PRDM1: variants seen among roughly 807,000 people sequenced by gnomAD.
The protein encoded by PRDM1 is PR/SET domain 1.
A neutral mutation model predicts 62.8 loss-of-function variants in PRDM1; 13 were observed. The ratio of observed to expected loss-of-function variants is 0.21; its 90% confidence interval spans 0.13 to 0.33. The LOEUF (loss-of-function observed/expected upper bound fraction) is 0.33, where lower values mean the gene tolerates loss of function less well. PRDM1 is among the 10% of genes least tolerant of loss of function. PRDM1 has a pLI of 1.00. For missense variants in PRDM1, 895 were observed against 1,058.8 expected (o/e 0.85, Z 2.15); for synonymous variants, 396 against 417.6 (o/e 0.95, Z 0.63).
At chr6:106,056,944 G>T (rs1328071449) in intron 1 of PRDM1, among the ~76,000 whole-genome samples, 6 of 152,240 alleles carry the variant, frequency 3.9e-5, no homozygotes, top group African/African-American at 1.4e-4. Context: ...TGTGGCTTTT[G>T]TTTTCAGAAT....
chr6:106,047,584 T>G (rs1374050763), upstream of PRDM1, among the ~76,000 whole-genome samples: 2 of 152,200 alleles, frequency 1.3e-5, no homozygotes, highest in Admixed American at 6.5e-5. Flanking sequence ...AAATGTGTAT[T>G]AGGATCACCA....
Position 106,105,788 on chromosome 6 carries a change from G to T in PRDM1, c.1628G>T (p.Ser543Ile), listed in dbSNP as rs763803603. 5.0e-6 allele frequency: 8 copies of T among 1,614,228 alleles called. No individual in the cohort carries two copies. Among genetic ancestry groups the T allele is most frequent in the Non-Finnish European group, 6.8e-6 (8 of 1,180,040 alleles). The change falls in exon 5 of 7, where the codon AGC (serine) becomes ATC (isoleucine). Residue 543 changes from serine (S) to isoleucine (I), a missense_variant. Physicochemically the swap from Ser to Ile is moderately radical, Grantham distance 142 (BLOSUM62 -2). Transcript: ENST00000369096. ...ATSAAMAAPS[S>I]DEAMNLIKNK... The stretch of plus-strand genomic sequence containing the variant: ...TCAGCAGCGATGGCAGCCCCCAGCA[G>T]CGACGAAGCCATGAATCTCATTAAA...
chr6:106,070,262 T>C (rs551900390), intron 1 of PRDM1, among the ~76,000 whole-genome samples: 24 of 152,330 alleles, frequency 1.6e-4, no homozygotes, highest in Middle Eastern at 3.4e-3. Context: ...GTTTTAGATG[T>C]TTTTCTTTTC....
chr6:106,038,136 C>T (rs1772947387), intron 1 of PRDM1, among the ~76,000 whole-genome samples: 1 of 149,308 alleles, frequency 6.7e-6, no homozygotes, highest in Non-Finnish European at 1.5e-5. Context: ...AGGCATGCAC[C>T]ACCATGCCCA....
intron 1 of PRDM1, among the ~76,000 whole-genome samples, chr6:106,024,432 C>G (rs757334762): frequency 1.3e-5 from 2 of 152,196 alleles, no homozygotes; most frequent in South Asian, 4.1e-4. Context: ...ATACTCTCGA[C>G]ACCTTATTTT....
chr6:106,068,400 TCTC>T (rs1277049850), intron 1 of PRDM1, among the ~76,000 whole-genome samples: 3 of 152,264 alleles, frequency 2.0e-5, no homozygotes, highest in Admixed American at 1.3e-4. Flanking sequence ...CCCACCCTGT[TCTC>T]CTCAGAGTAG....
intron 1 of PRDM1, among the ~76,000 whole-genome samples, chr6:106,017,857 G>A (rs1460041088): frequency 6.6e-6 from 1 of 152,116 alleles, no homozygotes; most frequent in African/African-American, 2.4e-5. Context: ...TAAAGCCTGG[G>A]GTGGGCTGAG....
At chr6:106,015,404 G>A (rs1000842410) in intron 1 of PRDM1, among the ~76,000 whole-genome samples, 8 of 152,164 alleles carry the variant, frequency 5.3e-5, no homozygotes, top group East Asian at 1.9e-4. Flanking sequence ...AAATTATCCC[G>A]TTTGAGCTTG....
chr6:106,011,195 A>G (rs890547674), intron 1 of PRDM1, among the ~76,000 whole-genome samples: 1 of 152,150 alleles, frequency 6.6e-6, no homozygotes, highest in African/African-American at 2.4e-5. Flanking sequence ...TATAGATATT[A>G]CCGAAGATGT....
chr6:106,023,056 T>C (rs892975539), intron 1 of PRDM1, among the ~76,000 whole-genome samples: 8 of 152,214 alleles, frequency 5.3e-5, no homozygotes, highest in African/African-American at 1.9e-4. Context: ...CCCCCTCGTG[T>C]GCTGTTAAAG....
At chr6:105,998,917 ATATATATATATATATATTTTTTTTTT>A (rs1772389507) in intron 1 of PRDM1, among the ~76,000 whole-genome samples, 3 of 3,810 alleles carry the variant, frequency 7.9e-4, no homozygotes, top group African/African-American at 2.8e-3. Context: ...ATATATATAT[ATATATATATATATATATTTTTTTTTT>A]TTTTTTTCTT....
Position 106,105,807 on chromosome 6 carries a change from C to T in PRDM1, c.1647C>T (p.Leu549=), listed in dbSNP as rs2114658133. 1 of 1,614,224 alleles carries T rather than the reference C, an allele frequency of 6.2e-7. No individual in the cohort carries two copies. Among genetic ancestry groups the T allele is most frequent in the South Asian group, 1.1e-5 (1 of 91,080 alleles). ...AAPSSDEAMN[L]IKNKRNMTGY... ...CCAGCAGCGACGAAGCCATGAATCT[C>T]ATTAAAAACAAAAGAAACATGACCG... Residue 549 remains leucine, a synonymous_variant, in exon 5 of 7, where the codon CTC becomes CTT. Transcript: ENST00000369096.
intron 1 of PRDM1, among the ~76,000 whole-genome samples, chr6:106,011,538 G>A (rs1772548641): frequency 6.6e-6 from 1 of 152,124 alleles, no homozygotes; most frequent in Non-Finnish European, 1.5e-5. Context: ...AGTGTGAGGA[G>A]CGGAGTACAC....
chr6:106,088,133 A>G, intron 1 of PRDM1, 68 bp from the exon 2 acceptor site: 1 of 1,523,744 alleles, frequency 6.6e-7, no homozygotes, highest in East Asian at 2.4e-5. Flanking sequence ...TATTAGTCAT[A>G]GCCTCTCAGA....
intron 1 of PRDM1, among the ~76,000 whole-genome samples, chr6:106,001,567 A>G (rs933555600): frequency 1.3e-5 from 2 of 152,196 alleles, no homozygotes; most frequent in Non-Finnish European, 2.9e-5. Context: ...TGGATAACTA[A>G]GTATCCAGGC....
chr6:106,001,350 TA>T (rs1385201933), intron 1 of PRDM1, among the ~76,000 whole-genome samples: 1 of 152,240 alleles, frequency 6.6e-6, no homozygotes, highest in African/African-American at 2.4e-5. Flanking sequence ...TATGGTGTCT[TA>T]AAAATGCAGA....
At chr6:106,029,914 C>T (rs996288378) in intron 1 of PRDM1, among the ~76,000 whole-genome samples, 4 of 152,140 alleles carry the variant, frequency 2.6e-5, no homozygotes, top group East Asian at 3.9e-4. Context: ...CCACTGCATC[C>T]GGCCTCATTG....
intron 1 of PRDM1, among the ~76,000 whole-genome samples, chr6:106,038,498 G>C (rs1015140092): frequency 6.6e-6 from 1 of 152,154 alleles, no homozygotes; most frequent in Non-Finnish European, 1.5e-5. Context: ...AGGGGAAAAG[G>C]AGAAAAATGA....
At chr6:106,061,496 T>A (rs1390829730) in intron 1 of PRDM1, among the ~76,000 whole-genome samples, 1 of 152,244 alleles carries the variant, frequency 6.6e-6, no homozygotes, top group African/African-American at 2.4e-5. Context: ...GCTGAATTCA[T>A]CTGCAGTGGG....
Sources: allele counts gnomAD v4.1 joint callset (sites outside exome capture counted in the v4.1 genomes callset), GRCh38; gene constraint gnomAD v4.1.1; transcripts MANE v1.5; gene names NCBI Gene and HGNC (gene_info 2026-07-23, HGNC 2026-07-21).